The following GRIK5 variants were observed in gnomAD, a reference collection of about 807,000 sequenced individuals.
The protein encoded by GRIK5 is glutamate receptor ionotropic, kainate 5.
A neutral mutation model predicts 97.4 loss-of-function variants in GRIK5; 43 were observed. The ratio of observed to expected loss-of-function variants is 0.44; its 90% CI spans 0.35 to 0.57. The LOEUF (loss-of-function observed/expected upper bound fraction) is 0.57. GRIK5 is among the 20% of genes least tolerant of loss of function. The pLI is 0.01. For missense variants in GRIK5, 1,015 were observed against 1,382.0 expected (o/e 0.73, Z 4.21); for synonymous variants, 580 against 583.5 (o/e 0.99, Z 0.09).
At chr19:42,000,607 T>G (rs2075415949) in intron 19 of GRIK5, among the ~76,000 whole-genome samples, 1 of 152,186 alleles carries the variant, frequency 6.6e-6, no homozygotes, top group Non-Finnish European at 1.5e-5. Context: ...AGACCTTGGC[T>G]TCAGGGGAGA....
At chr19:42,064,110 C>T (rs2146182523) in intron 3 of GRIK5, among the ~76,000 whole-genome samples, 1 of 152,292 alleles carries the variant, frequency 6.6e-6, no homozygotes, top group East Asian at 1.9e-4. Context: ...TTCTCTTCAA[C>T]CCCTTGGCCC....
intron 3 of GRIK5, among the ~76,000 whole-genome samples, chr19:42,064,162 T>G (rs925091927): frequency 3.9e-5 from 6 of 152,032 alleles, no homozygotes; most frequent in Middle Eastern, 3.2e-3. Flanking sequence ...TATATCAGAG[T>G]ACACACTCAT....
chr19:42,037,662 G>C (rs761498979), intron 12 of GRIK5, among the ~76,000 whole-genome samples: 1 of 152,190 alleles, frequency 6.6e-6, no homozygotes, highest in Admixed American at 6.5e-5. Flanking sequence ...CCCAGACTCT[G>C]TTTCAGGAGT....
chr19:42,024,868 C>T (rs1244699394), intron 12 of GRIK5, among the ~76,000 whole-genome samples: 3 of 152,206 alleles, frequency 2.0e-5, no homozygotes, highest in Non-Finnish European at 4.4e-5. Context: ...CATTCATGGA[C>T]CCCCACTCCC....
chr19:42,061,536 C>T (rs1373267976), intron 5 of GRIK5, among the ~76,000 whole-genome samples: 1 of 152,208 alleles, frequency 6.6e-6, no homozygotes, highest in Non-Finnish European at 1.5e-5. Context: ...ACAGTTCCTC[C>T]TTGCCTCAAG....
intron 12 of GRIK5, among the ~76,000 whole-genome samples, chr19:42,039,558 A>G (rs1481621167): frequency 6.6e-6 from 1 of 152,218 alleles, no homozygotes; most frequent in Non-Finnish European, 1.5e-5. Context: ...CCACTCAGTA[A>G]GAGCACATCG....
chr19:42,054,720 A>G (rs576908338), intron 8 of GRIK5, among the ~76,000 whole-genome samples: 2 of 152,210 alleles, frequency 1.3e-5, no homozygotes, highest in East Asian at 3.9e-4. Flanking sequence ...GTATGTGGCC[A>G]TGTATCTCTC....
chr19:42,052,737 G>A (rs1347318330), intron 11 of GRIK5, among the ~76,000 whole-genome samples: 2 of 152,170 alleles, frequency 1.3e-5, no homozygotes, highest in African/African-American at 4.8e-5. Context: ...CCAGCCGCTT[G>A]GGGAAGCCTC....
chr19:42,014,650 G>C (rs970178353), intron 15 of GRIK5, among the ~76,000 whole-genome samples: 3 of 151,926 alleles, frequency 2.0e-5, no homozygotes, highest in African/African-American at 7.3e-5. Context: ...GGGTGTGGTG[G>C]CATGAACCTG....
In GRIK5 at chr19:42,062,733, C is replaced by T. The variant is rs769999167; in HGVS notation, c.342+25G>A. The T allele has an allele frequency of 2.0e-5, 32 of 1,611,844 alleles. No individual in the cohort carries two copies. In the African/African-American group the frequency reaches 2.7e-4, roughly 13 times the overall value. On this transcript the variant is annotated intron_variant, in intron 4 of 19. Transcript: ENST00000593562. The surrounding 1 kb of genome is among the most constrained non-coding windows in gnomAD (Gnocchi z 5.3). ...TCCCAGGGACCCGCTCCCCACAAAG[C>T]GCCGGCCCACACTCCCCATCTCACC... is the stretch of plus-strand genomic sequence containing the variant.
chr19:42,062,837 T>C lies in GRIK5; in HGVS notation c.263A>G (p.Lys88Arg), dbSNP rs979243305. 1 of 1,613,568 alleles carries C rather than the reference T, an allele frequency of 6.2e-7. No individual in the cohort carries two copies. The highest frequency in any genetic ancestry group is 2.2e-5 in the East Asian group (1 of 44,872). The change falls in exon 4 of 20, where the codon AAA becomes AGA. Residue 88 changes from lysine (K) to arginine (R), a missense_variant. By Grantham distance (26) the Lys-to-Arg change is conservative. Coordinates refer to ENST00000593562, the MANE Select transcript of GRIK5 (RefSeq NM_002088.5). This position sits in a 1 kb window ranked among gnomAD's most constrained non-coding sequence, Gnocchi z 5.3. ...TTDTMCQILP[K>R]GVVSVLGPSS... Reference sequence around the variant, plus strand: ...GGGCCCAAGGACAGACACAACCCCTTTGGGTAAGATCTGACACACTGCGTG... The same window carrying C: ...GGGCCCAAGGACAGACACAACCCCTCTGGGTAAGATCTGACACACTGCGTG...
intron 12 of GRIK5, among the ~76,000 whole-genome samples, chr19:42,028,279 GT>G (rs1261414270): frequency 6.8e-6 from 1 of 147,366 alleles, no homozygotes; most frequent in African/African-American, 2.5e-5. Flanking sequence ...TGGGGGGGGG[GT>G]GTCATCTAAA....
At chr19:42,018,584 G>A (rs961058448) in intron 15 of GRIK5, among the ~76,000 whole-genome samples, 3 of 147,660 alleles carry the variant, frequency 2.0e-5, no homozygotes, top group Non-Finnish European at 4.4e-5. Flanking sequence ...ACTTGATCCC[G>A]GGAGGTGGAG....
rs1436299912 is a variant in GRIK5, at chr19:42,002,701, G to A, written c.2514+631C>T. 1.3e-5 allele frequency among the ~76,000 whole-genome samples: 2 copies of A among 152,098 alleles called. No homozygotes were observed. Among genetic ancestry groups the A allele is most frequent in the African/African-American group, 4.8e-5 (2 of 41,396 alleles). On this transcript the variant is annotated intron_variant, in intron 19 of 19. Transcript: ENST00000593562. This position sits in a 1 kb window ranked among gnomAD's most constrained non-coding sequence, Gnocchi z 5.2. ...AGGGGTGTGGCTGGGCGGCCCCCAG[G>A]GACATGGAAGCAGCCCTCCTGAACA...
chr19:42,009,825 C>T (rs1365126468), intron 15 of GRIK5, among the ~76,000 whole-genome samples: 1 of 146,248 alleles, frequency 6.8e-6, no homozygotes. Flanking sequence ...CTAGCACTTT[C>T]GGAGGCCGAT....
chr19:42,013,226 C>G (rs1164457769), intron 15 of GRIK5, among the ~76,000 whole-genome samples: 2 of 151,550 alleles, frequency 1.3e-5, no homozygotes, highest in African/African-American at 4.8e-5. Context: ...ATTAGCCAGG[C>G]ACGTAGTCCT....
In GRIK5 at chr19:42,064,282, A is replaced by T. The variant is rs191045855; in HGVS notation, c.244+941T>A. Among the ~76,000 whole-genome samples the T allele has an allele frequency of 4.6e-5, 7 of 152,226 alleles. No individual in the cohort carries two copies. The East Asian group carries it at 1.3e-3, about 29-fold the overall frequency. Reference sequence around the variant, plus strand: ...TGAAGGTGGCATCTTTCACCCTGGCACTGTAGCCTCCTTGAGCCAGCGTGA... The same window carrying T: ...TGAAGGTGGCATCTTTCACCCTGGCTCTGTAGCCTCCTTGAGCCAGCGTGA... On this transcript the variant is annotated intron_variant, in intron 3 of 19. Transcript: ENST00000593562.
chr19:42,029,129 G>A (rs1053978355), intron 12 of GRIK5, among the ~76,000 whole-genome samples: 14 of 151,968 alleles, frequency 9.2e-5, no homozygotes, highest in South Asian at 2.1e-4. Context: ...GTGCAGTGGC[G>A]CAATCTCAGC....
intron 12 of GRIK5, among the ~76,000 whole-genome samples, chr19:42,025,347 G>C (rs2075757512): frequency 6.6e-6 from 1 of 152,074 alleles, no homozygotes; most frequent in Non-Finnish European, 1.5e-5. Flanking sequence ...TCCCCTCCTA[G>C]GGGCTTTATC....
Sources: allele counts gnomAD v4.1 joint callset (sites outside exome capture counted in the v4.1 genomes callset), GRCh38; gene constraint gnomAD v4.1.1; non-coding constraint Gnocchi (gnomAD v3.1); transcripts MANE v1.5; gene names NCBI Gene and HGNC (gene_info 2026-07-23, HGNC 2026-07-21).